Variants in A2ML1 observed in about 807,000 individuals in gnomAD.
A2ML1 encodes alpha-2-macroglobulin like 1.
In A2ML1, 161 loss-of-function variants were observed where a neutral mutation model predicts 181.9. The ratio of observed to expected loss-of-function variants is 0.89; its 90% CI spans 0.78 to 1.01. The LOEUF (loss-of-function observed/expected upper bound fraction) is 1.01, where lower values mean the gene tolerates loss of function less well. A2ML1 is among the 50% of genes least tolerant of loss of function. A2ML1 has a pLI of 0.00. For missense variants in A2ML1, 1,670 were observed against 1,768.1 expected (o/e 0.94, Z 1.00); for synonymous variants, 663 against 666.8 (o/e 0.99, Z 0.09).
chr12:8,880,189 C>A (rs1742195963), downstream of A2ML1, among the ~76,000 whole-genome samples: 2 of 141,164 alleles, frequency 1.4e-5, no homozygotes, highest in South Asian at 2.4e-4. Context: ...TATGGTGAAA[C>A]CTCGTCTGTA....
chr12:8,846,386 ATCTC>A (rs1565476426), intron 14 of A2ML1, among the ~76,000 whole-genome samples, 164 bp downstream of exon 14: 1 of 152,150 alleles, frequency 6.6e-6, no homozygotes, highest in Non-Finnish European at 1.5e-5. Flanking sequence ...GTTGAAATCC[ATCTC>A]TCTCCTACTT....
At chr12:8,834,540 G>T in intron 4 of A2ML1, 122 bp from the exon 5 acceptor site, 1 of 1,213,420 alleles carries the variant, frequency 8.2e-7, no homozygotes, top group Non-Finnish European at 1.2e-6. Context: ...ATTTAGAAAG[G>T]AAGAAATGAA....
intron 27 of A2ML1, 84 bp downstream of exon 27, chr12:8,861,039 C>T: frequency 6.2e-7 from 1 of 1,606,808 alleles, no homozygotes; most frequent in African/African-American, 1.3e-5. Context: ...TCTCTAGTCA[C>T]CCTTTTAAGG....
In A2ML1 at chr12:8,857,942, G is replaced by GT. The variant is rs142794811; in HGVS notation, c.3108-3dup. On this transcript the variant is annotated splice_polypyrimidine_tract_variant and splice_region_variant and intron_variant, in intron 25 of 35. Coordinates refer to ENST00000299698, the MANE Select transcript of A2ML1 (RefSeq NM_144670.6). Reference sequence around the variant, plus strand: ...ATGCCATATTTTCCTCTTTACCCATGTAGGCTGACAGCGTTTGTCACAAAA... The same window carrying GT: ...ATGCCATATTTTCCTCTTTACCCATGTTAGGCTGACAGCGTTTGTCACAAAA... 13,394 of 1,613,820 alleles carry GT rather than the reference G, an allele frequency of 8.3e-3. 617 individuals are homozygous for GT. In the Admixed American group the frequency reaches 0.094, roughly 11 times the overall value.
rs1260373173 is a variant in A2ML1 at position 8,854,246 on chromosome 12, C to T, written c.2709C>T (p.Val903=). 3 of 1,596,316 alleles carry T rather than the reference C, an allele frequency of 1.9e-6. No individual in the cohort carries two copies. The highest frequency in any genetic ancestry group is 1.3e-5 in the African/African-American group (1 of 74,290). Residue 903 remains valine (V), a synonymous_variant, in exon 21 of 36, where the codon GTC becomes GTT. Coordinates refer to ENST00000299698, the MANE Select transcript of A2ML1 (RefSeq NM_144670.6). The part of the protein sequence containing the change: ...RSDTLIKPVL[V]KPEGVLVEKT... ...ACACGCTCATCAAGCCAGTTCTCGT[C>T]AAAGTGAGTTTTCTTCAGAGGTAGA... is the stretch of plus-strand genomic sequence containing the variant.
intron 3 of A2ML1, among the ~76,000 whole-genome samples, chr12:8,824,244 T>G (rs1293211449): frequency 6.7e-6 from 1 of 148,760 alleles, no homozygotes; most frequent in East Asian, 2.0e-4. Flanking sequence ...TTTTTTTTTT[T>G]TTTTTGTATT....
chr12:8,860,764 T>C (rs532291582), intron 26 of A2ML1, 117 bp from the exon 27 acceptor site: 38 of 882,100 alleles, frequency 4.3e-5, no homozygotes, highest in Non-Finnish European at 6.5e-5. Flanking sequence ...CTTTCTTTTC[T>C]TTTTTCTTTT....
intron 29 of A2ML1, among the ~76,000 whole-genome samples, chr12:8,867,599 A>G (rs894339146): frequency 6.6e-6 from 1 of 152,130 alleles, no homozygotes; most frequent in Admixed American, 6.6e-5. Context: ...ATGAGCTGAG[A>G]TCGTGCCATT....
intron 26 of A2ML1, among the ~76,000 whole-genome samples, chr12:8,859,250 C>G (rs769797388): frequency 1.3e-5 from 2 of 152,104 alleles, no homozygotes; most frequent in Admixed American, 1.3e-4. Flanking sequence ...AGAGAGATCA[C>G]TTACATTGCT....
At chr12:8,865,843 C>T (rs1462269993) in intron 29 of A2ML1, among the ~76,000 whole-genome samples, 5 of 152,018 alleles carry the variant, frequency 3.3e-5, no homozygotes, top group Admixed American at 6.6e-5. Context: ...AAATATCTAC[C>T]ATGTCCAAAT....
chr12:8,825,427 C>T (rs977001259), intron 3 of A2ML1, among the ~76,000 whole-genome samples: 5 of 151,954 alleles, frequency 3.3e-5, no homozygotes, highest in African/African-American at 4.8e-5. Flanking sequence ...TCTTTTTGCC[C>T]GTTCTTTAAT....
chr12:8,842,408 A>C (rs1283820813), intron 11 of A2ML1, among the ~76,000 whole-genome samples: 1 of 151,614 alleles, frequency 6.6e-6, no homozygotes, highest in African/African-American at 2.4e-5. Context: ...TTTAGTAGAG[A>C]TGGGGTTTCA....
At chr12:8,826,441 G>A (rs973038428) in intron 3 of A2ML1, among the ~76,000 whole-genome samples, 2 of 151,900 alleles carry the variant, frequency 1.3e-5, no homozygotes, top group African/African-American at 2.4e-5. Flanking sequence ...ATATAGAAAT[G>A]TTACTGAATT....
In A2ML1 at chr12:8,857,563, G is replaced by A. The variant is rs1454850709; in HGVS notation, c.3082G>A (p.Glu1028Lys). 1.2e-6 allele frequency: 2 copies of A among 1,611,628 alleles called. No individual in the cohort carries two copies. Among genetic ancestry groups the A allele is most frequent in the Admixed American group, 1.7e-5 (1 of 59,584 alleles). The stretch of plus-strand genomic sequence containing the variant: ...CAATGGCTCATACAGTGCCTTTGGG[G>A]AGCGAGATGGAAATGGAAACACATG... The part of the protein sequence containing the change: ...HSNGSYSAFG[E>K]RDGNGNTWLT... Residue 1028 changes from glutamate to lysine, a missense_variant, in exon 25 of 36, where the codon GAG (glutamate) becomes AAG (lysine). Glu to Lys is a moderately conservative substitution (Grantham distance 56, BLOSUM62 1). Transcript: ENST00000299698.
intron 33 of A2ML1, among the ~76,000 whole-genome samples, chr12:8,873,537 G>A (rs1944699494): frequency 6.6e-6 from 1 of 152,128 alleles, no homozygotes; most frequent in Non-Finnish European, 1.5e-5. Context: ...TGGCCTAAGA[G>A]TGCTGATATT....
downstream of A2ML1, among the ~76,000 whole-genome samples, chr12:8,887,229 G>T (rs889772464): frequency 2.0e-5 from 3 of 151,946 alleles, no homozygotes; most frequent in African/African-American, 7.3e-5. Flanking sequence ...TAATAAAGTG[G>T]AAAAATTAAA....
rs1391047466 is a variant in A2ML1, at chr12:8,847,637, T to G, written c.1772T>G (p.Leu591Arg). The stretch of plus-strand genomic sequence containing the variant: ...GCAGCTCCCGGATCCCTGTGTGCGC[T>G]CCGGGCGGTGGATGAGAGTGTCTTA... ...LQAAPGSLCA[L>R]RAVDESVLLL... The change falls in exon 15 of 36, where the codon CTC (leucine) becomes CGC (arginine). Residue 591 changes from leucine to arginine, a missense_variant. Leu to Arg is a moderately radical substitution (Grantham distance 102). Coordinates refer to ENST00000299698, the MANE Select transcript of A2ML1 (RefSeq NM_144670.6). 1 of 1,613,726 alleles carries G rather than the reference T, an allele frequency of 6.2e-7. No individual in the cohort carries two copies. Among genetic ancestry groups the G allele is most frequent in the Non-Finnish European group, 8.5e-7 (1 of 1,179,876 alleles).
At position 8,858,103 on chromosome 12, in the gene A2ML1, G is replaced by T. The variant is rs1457331595; in HGVS notation, c.3264+1G>T. 1.2e-6 allele frequency: 2 copies of T among 1,613,766 alleles called. No homozygotes were observed. The highest frequency in any genetic ancestry group is 1.7e-6 in the Non-Finnish European group (2 of 1,179,938). ...AAATCTCCTTCACACAGCTATGAAG[G>T]TGCGGATCTGTCCAGGAGCCTGCAG... On this transcript the variant is annotated splice_donor_variant, in intron 26 of 35. Coordinates refer to ENST00000299698, the MANE Select transcript of A2ML1 (RefSeq NM_144670.6). LOFTEE classifies it high-confidence loss of function.
chr12:8,850,024 G>C (rs970130732), intron 17 of A2ML1, 136 bp from the exon 18 acceptor site: 2 of 743,138 alleles, frequency 2.7e-6, no homozygotes, highest in Non-Finnish European at 4.4e-6. Flanking sequence ...GTTCCTCTTT[G>C]GTCCTTCCTC....
Sources: allele counts gnomAD v4.1 joint callset (sites outside exome capture counted in the v4.1 genomes callset), GRCh38; gene constraint gnomAD v4.1.1; transcripts MANE v1.5; gene names NCBI Gene and HGNC (gene_info 2026-07-23, HGNC 2026-07-21).